Variants in SPACA6 observed in about 807,000 individuals in gnomAD.
SPACA6 encodes sperm acrosome associated 6.
For synonymous variants in SPACA6, 6 were observed against 1.5 expected (o/e 4.05, Z -2.21); for missense variants, 8 against 2.8 (o/e 2.88, Z -1.34).
intron 2 of SPACA6, among the ~76,000 whole-genome samples, chr19:51,701,019 C>T (rs369282917): frequency 3.0e-4 from 45 of 152,078 alleles, no homozygotes; most frequent in African/African-American, 9.9e-4. Flanking sequence ...GTCAGGAGTT[C>T]GAGACCAGCC....
chr19:51,683,238 C>T, the SPACA6 span, among the ~76,000 whole-genome samples: 1 of 152,144 alleles, frequency 6.6e-6, no homozygotes, highest in African/African-American at 2.4e-5. Context: ...TCCATCATCA[C>T]ATGGCCTTCT....
chr19:51,708,402 C>G (rs76268165), downstream of SPACA6, among the ~76,000 whole-genome samples: 1,221 of 152,180 alleles, frequency 8.0e-3, 17 homozygotes, highest in African/African-American at 0.028. Context: ...AGAAGATAAG[C>G]AGAGAAATGG....
chr19:51,712,797 G>A (rs1366702901), downstream of SPACA6, among the ~76,000 whole-genome samples: 1 of 152,152 alleles, frequency 6.6e-6, no homozygotes, highest in Non-Finnish European at 1.5e-5. Flanking sequence ...GGTGCTGGAG[G>A]TTTGAGGAGA....
At chr19:51,701,541 G>A (rs766973700) in intron 2 of SPACA6, 117 bp from the exon 3 acceptor site, 12 of 389,660 alleles carry the variant, frequency 3.1e-5, no homozygotes, top group Non-Finnish European at 3.6e-5. Flanking sequence ...ATGACAGTAC[G>A]TCCTGTGAGC....
At chr19:51,690,417 A>C (rs2083360096), upstream of SPACA6, among the ~76,000 whole-genome samples, 1 of 151,950 alleles carries the variant, frequency 6.6e-6, no homozygotes, top group East Asian at 1.9e-4. Context: ...CTCCCTTTGA[A>C]GCCTGCAGTT....
chr19:51,698,341 G>A (rs1024705015), intron 2 of SPACA6, among the ~76,000 whole-genome samples: 3 of 152,048 alleles, frequency 2.0e-5, no homozygotes, highest in East Asian at 1.9e-4. Flanking sequence ...CTTATGGCCC[G>A]CTTGCTATAA....
rs369328480 is a variant in SPACA6, at chr19:51,697,500, C to T, written c.292+2945C>T. On this transcript the variant is annotated intron_variant, in intron 2 of 8. Transcript: ENST00000637797. Reference sequence around the variant, plus strand: ...TCCTAAAGGATATCCTCTACCGGCCCTGTGAGGCTGGGTTTTATAGCCCCG... The same window carrying T: ...TCCTAAAGGATATCCTCTACCGGCCTTGTGAGGCTGGGTTTTATAGCCCCG... Among the ~76,000 whole-genome samples, 49 of 152,296 alleles carry T rather than the reference C, an allele frequency of 3.2e-4. No homozygotes were observed. The South Asian group carries it at 8.1e-3, about 25-fold the overall frequency.
chr19:51,712,890 A>G (rs2083549538), downstream of SPACA6, among the ~76,000 whole-genome samples: 2 of 152,182 alleles, frequency 1.3e-5, no homozygotes, highest in South Asian at 4.1e-4. Flanking sequence ...GGCAGGTGGC[A>G]GGTGCTTGGT....
chr19:51,702,004 G>A lies in SPACA6; in HGVS notation c.361+278G>A, dbSNP rs142344006. The stretch of plus-strand genomic sequence containing the variant: ...GGAAAATTGCTTGAACCCTGGAGGC[G>A]GGGTTGCAGTGACCCGAGATCGGCA... On this transcript the variant is annotated intron_variant, in intron 3 of 8. Transcript: ENST00000637797. Among the ~76,000 whole-genome samples, 961 of 152,104 alleles carry A rather than the reference G, an allele frequency of 6.3e-3. 7 individuals are homozygous for A. Among genetic ancestry groups the A allele is most frequent in the African/African-American group, 0.018 (741 of 41,494 alleles).
downstream of SPACA6, chr19:51,705,273 GC>G (rs1568621063): frequency 2.5e-6 from 1 of 396,122 alleles, no homozygotes; most frequent in East Asian, 3.6e-5. Flanking sequence ...GATGAATATG[GC>G]CCGCATAATG....
downstream of SPACA6, among the ~76,000 whole-genome samples, chr19:51,708,147 T>G (rs2083524602): frequency 6.6e-6 from 1 of 152,184 alleles, no homozygotes. Context: ...GTCTTGCTGG[T>G]GACCAGCGCT....
chr19:51,706,910 C>T (rs988781554), downstream of SPACA6, among the ~76,000 whole-genome samples: 5 of 152,210 alleles, frequency 3.3e-5, no homozygotes, highest in African/African-American at 1.2e-4. Context: ...CCACCTGTCT[C>T]AGCCTCCCAA....
Position 51,704,063 on chromosome 19 carries a change from A to G in SPACA6, c.607A>G (p.Met203Val), listed in dbSNP as rs2083492607. Residue 203 changes from methionine (M) to valine (V), a missense_variant, in exon 7 of 9, where the codon ATG becomes GTG. Physicochemically the swap from Met to Val is conservative, Grantham distance 21. Coordinates refer to ENST00000637797, the MANE Select transcript of SPACA6 (RefSeq NM_001316972.2). Reference sequence around the variant, plus strand: ...TCAGGACTTGTCCTATTTCCGAGATATGCCGCGGGCCGAAGGATACCTGGC... The same window carrying G: ...TCAGGACTTGTCCTATTTCCGAGATGTGCCGCGGGCCGAAGGATACCTGGC... Reference protein sequence around the residue: ...RTQDLSYFRDMPRAEGYLARI... With the variant: ...RTQDLSYFRDVPRAEGYLARI... The G allele has an allele frequency of 2.5e-6, 1 of 401,072 alleles. No individual in the cohort carries two copies. The highest frequency in any genetic ancestry group is 1.3e-4 in the South Asian group (1 of 7,962). The allele number at this position is 401,072 out of a possible 1,614,324, so 24.8% of individuals were successfully genotyped here.
At chr19:51,708,871 A>C (rs535179802), downstream of SPACA6, among the ~76,000 whole-genome samples, 1 of 152,134 alleles carries the variant, frequency 6.6e-6, no homozygotes, top group South Asian at 2.1e-4. Context: ...AAAAAAAAAA[A>C]ACTGTTCCAG....
At chr19:51,707,695 G>T (rs1055307774), downstream of SPACA6, among the ~76,000 whole-genome samples, 8 of 152,138 alleles carry the variant, frequency 5.3e-5, no homozygotes, top group Non-Finnish European at 1.2e-4. Flanking sequence ...CAGGTTTTAA[G>T]AGCTCAGGCC....
At chr19:51,701,878 G>T in intron 3 of SPACA6, 152 bp downstream of exon 3, 1 of 373,078 alleles carries the variant, frequency 2.7e-6, no homozygotes, top group East Asian at 3.8e-5. Flanking sequence ...TTCAAAAGCA[G>T]TCTGACCAAC....
intron 2 of SPACA6, among the ~76,000 whole-genome samples, chr19:51,698,328 C>T (rs1456731905): frequency 6.6e-6 from 1 of 152,112 alleles, no homozygotes; most frequent in Non-Finnish European, 1.5e-5. Flanking sequence ...CCACCCATGC[C>T]GCCTTATGGC....
intron 2 of SPACA6, among the ~76,000 whole-genome samples, chr19:51,696,857 G>A (rs935475128): frequency 6.6e-5 from 10 of 152,172 alleles, no homozygotes; most frequent in African/African-American, 2.4e-4. Context: ...CAGATAATCT[G>A]TGGAAAGAGA....
At chr19:51,690,908 G>A (rs1255608925), upstream of SPACA6, among the ~76,000 whole-genome samples, 2 of 151,898 alleles carry the variant, frequency 1.3e-5, no homozygotes, top group Admixed American at 1.3e-4. Context: ...GGTTGGTGTG[G>A]GGGGGTGGGG....
Sources: allele counts gnomAD v4.1 joint callset (sites outside exome capture counted in the v4.1 genomes callset), GRCh38; gene constraint gnomAD v4.1.1; transcripts MANE v1.5; gene names NCBI Gene and HGNC (gene_info 2026-07-23, HGNC 2026-07-21).